The following AOPEP variants were observed in gnomAD, a reference collection of about 807,000 sequenced individuals.
AOPEP encodes aminopeptidase O (putative).
In AOPEP, 77 loss-of-function variants were observed where a neutral mutation model predicts 98.1. That is an observed-to-expected ratio of 0.78 (90% CI 0.65 to 0.95). The LOEUF is 0.95. Ranked by LOEUF, AOPEP falls within the 40% of genes least tolerant of loss-of-function variation. AOPEP has a pLI of 0.00. For synonymous variants in AOPEP, 346 were observed against 365.3 expected, an observed-to-expected ratio of 0.95 and a Z score of 0.60; for missense variants, 1,024 against 1,024.7, an observed-to-expected ratio of 1.00 and a Z score of 0.01.
At chr9:94,741,239 T>C (rs1483693932) in intron 1 of AOPEP, among the ~76,000 whole-genome samples, 1 of 151,708 alleles carries the variant, frequency 6.6e-6, no homozygotes. Flanking sequence ...AGGGCCTTTT[T>C]CCCCCTTTTG....
At chr9:95,053,683 T>A (rs1265449027) in intron 13 of AOPEP, among the ~76,000 whole-genome samples, 1 of 149,354 alleles carries the variant, frequency 6.7e-6, no homozygotes, top group Non-Finnish European at 1.5e-5. Flanking sequence ...CTGTTATTAA[T>A]TTAGGTAAGA....
At chr9:95,096,895 G>A in the AOPEP span, among the ~76,000 whole-genome samples, 2 of 152,244 alleles carry the variant, frequency 1.3e-5, no homozygotes, top group African/African-American at 2.4e-5. Context: ...GTCTACAACC[G>A]TTAGTGTCTG....
At chr9:94,891,975 A>G (rs1320822229) in intron 5 of AOPEP, among the ~76,000 whole-genome samples, 1 of 152,164 alleles carries the variant, frequency 6.6e-6, no homozygotes, top group Non-Finnish European at 1.5e-5. Flanking sequence ...TTTAGGGTTG[A>G]TATTTCTTTC....
chr9:94,737,537 T>C (rs1832053753), intron 1 of AOPEP, among the ~76,000 whole-genome samples: 1 of 152,266 alleles, frequency 6.6e-6, no homozygotes, highest in Admixed American at 6.5e-5. Flanking sequence ...TGTTAAATTA[T>C]TGCATCAGCA....
At chr9:94,873,162 A>T (rs1243508632) in intron 5 of AOPEP, among the ~76,000 whole-genome samples, 1 of 152,154 alleles carries the variant, frequency 6.6e-6, no homozygotes, top group Non-Finnish European at 1.5e-5. Context: ...CACCTAATTA[A>T]TGGGTGGGAA....
At chr9:94,923,286 C>T (rs1353446814) in intron 5 of AOPEP, among the ~76,000 whole-genome samples, 1 of 152,168 alleles carries the variant, frequency 6.6e-6, no homozygotes, top group African/African-American at 2.4e-5. Flanking sequence ...CTGTCTGGTG[C>T]CAGTCCTGGG....
intron 11 of AOPEP, among the ~76,000 whole-genome samples, chr9:94,995,093 C>T (rs149493593): frequency 6.6e-6 from 1 of 152,276 alleles, no homozygotes; most frequent in African/African-American, 2.4e-5. Flanking sequence ...CTTGGTTTCT[C>T]ATGTCCATTG....
intron 1 of AOPEP, among the ~76,000 whole-genome samples, chr9:94,730,970 G>A (rs948189528): frequency 6.6e-6 from 1 of 152,200 alleles, no homozygotes; most frequent in African/African-American, 2.4e-5. Context: ...CAGTGAAGGC[G>A]AAGGTTGTTG....
In AOPEP at chr9:94,957,482, A is replaced by G. The variant is rs542677427; in HGVS notation, c.1872+1467A>G. The stretch of plus-strand genomic sequence containing the variant: ...CTTGGCCTCCTAAAGTCCTGGGATT[A>G]CAGGTGTGAGCCACCACACCCAGCC... On this transcript the variant is annotated intron_variant, in intron 9 of 16. Transcript: ENST00000375315. Among the ~76,000 whole-genome samples, 2 of 152,356 alleles carry G rather than the reference A, an allele frequency of 1.3e-5. 1 individual carries two copies. The highest frequency in any genetic ancestry group is 4.8e-5 in the African/African-American group (2 of 41,594).
In AOPEP at chr9:94,955,276, A is replaced by T. The variant is rs2058374461; in HGVS notation, c.1761A>T (p.Leu587Phe). The change falls in exon 8 of 17, where the codon TTA becomes TTT. Residue 587 changes from leucine (L) to phenylalanine (F), a missense_variant. By Grantham distance (22) the Leu-to-Phe change is conservative. This residue lies in a region of AOPEP where 566 missense variants were observed against 551.7 expected (regional missense o/e 1.03). Coordinates refer to ENST00000375315, the MANE Select transcript of AOPEP (RefSeq NM_001193329.3). ...AGATCTTCATGCAGGTGCATTATTTAAAGGTAAGCACATGTCAGTTGCAGA... is the reference window on the plus strand; with the variant it reads ...AGATCTTCATGCAGGTGCATTATTTTAAGGTAAGCACATGTCAGTTGCAGA... ...PEKIFMQVHY[L>F]KGYFLLRFLA... is the part of the protein sequence containing the mutation. 1 of 1,604,214 alleles carries T rather than the reference A, an allele frequency of 6.2e-7. No individual in the cohort carries two copies. Among genetic ancestry groups the T allele is most frequent in the Admixed American group, 1.7e-5 (1 of 59,456 alleles).
intron 2 of AOPEP, among the ~76,000 whole-genome samples, chr9:94,761,864 G>T (rs894187691): frequency 6.6e-6 from 1 of 152,028 alleles, no homozygotes; most frequent in Non-Finnish European, 1.5e-5. Flanking sequence ...TGTTCTTATT[G>T]TATCTTCACA....
downstream of AOPEP, among the ~76,000 whole-genome samples, chr9:95,091,999 C>T (rs1285915029): frequency 1.3e-5 from 2 of 152,020 alleles, no homozygotes; most frequent in Non-Finnish European, 2.9e-5. Context: ...CTGAGAGCTT[C>T]GGTCACCAGG....
At chr9:95,008,913 C>T (rs1289332826) in intron 13 of AOPEP, among the ~76,000 whole-genome samples, 2 of 152,076 alleles carry the variant, frequency 1.3e-5, no homozygotes, top group Non-Finnish European at 2.9e-5. Context: ...TTTTGTTTTT[C>T]GTTTAAAATG....
At chr9:95,057,685 G>T (rs1467637977) in intron 13 of AOPEP, among the ~76,000 whole-genome samples, 1 of 152,162 alleles carries the variant, frequency 6.6e-6, no homozygotes, top group Non-Finnish European at 1.5e-5. Flanking sequence ...TATTGTCTGT[G>T]TCCCAAAATA....
chr9:95,101,936 G>T, the AOPEP span: 1 of 1,484,864 alleles, frequency 6.7e-7, no homozygotes. Flanking sequence ...TAACCACCCA[G>T]TCCCTGAAAG....
intron 7 of AOPEP, among the ~76,000 whole-genome samples, chr9:94,946,921 G>A (rs1022868937): frequency 6.6e-6 from 1 of 151,378 alleles, no homozygotes; most frequent in Non-Finnish European, 1.5e-5. Flanking sequence ...AAGGACAAGT[G>A]TTCATCCAGT....
At chr9:95,044,402 G>A (rs931849025) in intron 13 of AOPEP, among the ~76,000 whole-genome samples, 1 of 151,774 alleles carries the variant, frequency 6.6e-6, no homozygotes, top group Non-Finnish European at 1.5e-5. Flanking sequence ...AGTGAGGGGG[G>A]ATTAAAAGTA....
intron 5 of AOPEP, among the ~76,000 whole-genome samples, chr9:94,852,275 T>C (rs1398214876): frequency 6.6e-6 from 1 of 152,176 alleles, no homozygotes; most frequent in Non-Finnish European, 1.5e-5. Context: ...TACTTTGAAA[T>C]TTTTTTAAAG....
downstream of AOPEP, among the ~76,000 whole-genome samples, chr9:95,088,979 T>A (rs916884419): frequency 6.6e-6 from 1 of 152,322 alleles, no homozygotes; most frequent in Admixed American, 6.5e-5. Context: ...CTGCCCGTGC[T>A]GGGGCTGCCC....
Sources: gnomAD v4.1 joint callset for allele counts (sites outside exome capture counted in the v4.1 genomes callset) on GRCh38, gnomAD v4.1.1 for gene constraint, gnomAD v4.1.1 regional missense constraint, MANE v1.5 for transcripts, NCBI Gene and HGNC (gene_info 2026-07-23, HGNC 2026-07-21) for gene names.